Variants in ZMIZ2 observed in about 807,000 individuals in gnomAD.
ZMIZ2 encodes zinc finger MIZ-type containing 2.
Under a neutral mutation model 93.9 loss-of-function variants are expected in ZMIZ2, and 26 were observed. The observed-to-expected ratio is 0.28, with a 90% CI of 0.20 to 0.38. ZMIZ2 has a LOEUF of 0.38. Ranked by LOEUF, ZMIZ2 falls within the 10% of genes least tolerant of loss-of-function variation. The pLI is 1.00. For missense variants in ZMIZ2, 1,023 were observed against 1,235.0 expected (o/e 0.83, Z 2.57); for synonymous variants, 485 against 516.4 (o/e 0.94, Z 0.82).
At chr7:44,755,162 G>T (rs1347825563) in intron 1 of ZMIZ2, among the ~76,000 whole-genome samples, 2 of 152,188 alleles carry the variant, frequency 1.3e-5, no homozygotes, top group African/African-American at 4.8e-5. Flanking sequence ...GGTCCTGCAT[G>T]CGTCCTCCCT....
At position 44,766,671 on chromosome 7, in the gene ZMIZ2, C is replaced by G; in HGVS notation, c.2655+8C>G. 1 of 1,612,390 alleles carries G rather than the reference C, an allele frequency of 6.2e-7. No individual in the cohort carries two copies. The highest frequency in any genetic ancestry group is 8.5e-7 in the Non-Finnish European group (1 of 1,179,506). On this transcript the variant is annotated splice_region_variant and intron_variant, in intron 18 of 18. Coordinates refer to ENST00000309315, the MANE Select transcript of ZMIZ2 (RefSeq NM_031449.4). This position sits in a 1 kb window ranked among gnomAD's most constrained non-coding sequence, Gnocchi z 4.4. ...CCAGAACCAGCTCTGGACGTGAGTA[C>G]CAGGCCCCATGCGGGGGAGTGCGTG...
At position 44,756,474 on chromosome 7, in the gene ZMIZ2, C is replaced by T; in HGVS notation, c.100C>T (p.Gln34Ter). ...TGTGCCTTGGCAACAAAGCGCCACT[C>T]AGCCGGCTGGATCGCTGTCTGTGGT... ...ESVPWQQSAT[Q>*]PAGSLSVVTT... The change falls in exon 3 of 19, where the codon CAG (glutamine) becomes TAG (stop). Residue 34 changes from glutamine to a stop codon, truncating the protein, a stop_gained. Transcript: ENST00000309315. LOFTEE classifies it high-confidence loss of function. 2 of 1,614,082 alleles carry T rather than the reference C, an allele frequency of 1.2e-6. No individual in the cohort carries two copies.
Position 44,765,315 on chromosome 7 carries a change from C to T in ZMIZ2, c.1998-20C>T. ...AGCAGCAGGCCAGGAGGTAACCATT[C>T]CCCACCTGTCCCTGCCCAGCTCTGA... On this transcript the variant is annotated intron_variant, in intron 15 of 18. Coordinates refer to ENST00000309315, the MANE Select transcript of ZMIZ2 (RefSeq NM_031449.4). This position sits in a 1 kb window ranked among gnomAD's most constrained non-coding sequence, Gnocchi z 4.1. 1 of 1,610,208 alleles carries T rather than the reference C, an allele frequency of 6.2e-7. No individual in the cohort carries two copies. The highest frequency in any genetic ancestry group is 8.5e-7 in the Non-Finnish European group (1 of 1,178,104).
rs1790700225 is a variant in ZMIZ2 at position 44,757,396 on chromosome 7, G to A, written c.387G>A (p.Gly129=). 1.2e-6 allele frequency: 2 copies of A among 1,601,582 alleles called. No individual in the cohort carries two copies. Among genetic ancestry groups the A allele is most frequent in the Non-Finnish European group, 1.7e-6 (2 of 1,179,274 alleles). The change falls in exon 5 of 19, where the codon GGG becomes GGA. Residue 129 remains glycine (G), a synonymous_variant. Coordinates refer to ENST00000309315, the MANE Select transcript of ZMIZ2 (RefSeq NM_031449.4). ...GFTTGYAGGP[G]GLGLPSHAAR... Reference sequence around the variant, plus strand: ...CCTGCAGGTATGCAGGCGGCCCGGGGGGCCTGGGCCTCCCCTCACATGCTG... The same window carrying A: ...CCTGCAGGTATGCAGGCGGCCCGGGAGGCCTGGGCCTCCCCTCACATGCTG...
rs1431361129 is a variant in ZMIZ2, at chr7:44,764,399, T to G, written c.1861-20T>G. The stretch of plus-strand genomic sequence containing the variant: ...TGCTACCCACAATGAGAAACTGACT[T>G]TCTTCCCATCTCTCTACAGTGCTTT... On this transcript the variant is annotated intron_variant, in intron 13 of 18. Transcript: ENST00000309315. 3.7e-6 allele frequency: 6 copies of G among 1,613,266 alleles called. No homozygotes were observed. Among genetic ancestry groups the G allele is most frequent in the Admixed American group, 3.3e-5 (2 of 59,866 alleles).
rs1380178047 is a variant in ZMIZ2 at position 44,765,268 on chromosome 7, GA to G, written c.1998-66del. 8.8e-6 allele frequency: 14 copies of G among 1,594,004 alleles called. No homozygotes were observed. The highest frequency in any genetic ancestry group is 1.2e-5 in the Non-Finnish European group (14 of 1,169,306). ...CTGCCTGGAAACAGCCCAGGGCTGG[GA>G]GGGGCAGTGGGTGCCGGGCCAGCAG... On this transcript the variant is annotated intron_variant, in intron 15 of 18. Transcript: ENST00000309315. The surrounding 1 kb of genome is among the most constrained non-coding windows in gnomAD (Gnocchi z 4.1).
Position 44,765,747 on chromosome 7 carries a change from C to T in ZMIZ2, c.2242+168C>T, listed in dbSNP as rs1301767093. The T allele has an allele frequency of 1.8e-6, 2 of 1,139,086 alleles. No individual in the cohort carries two copies. The highest frequency in any genetic ancestry group is 1.6e-5 in the South Asian group (1 of 62,176). The allele number at this position is 1,139,086 out of a possible 1,614,324, so 70.6% of individuals were successfully genotyped here. A position where few individuals can be genotyped will look rare whatever the true frequency, so the allele number is the denominator to read the frequency against. Reference sequence around the variant, plus strand: ...GGGGCACCTCCAGCCCCTCCCATCTCAGGGACGTGGCGGTGAAGGCACAGT... The same window carrying T: ...GGGGCACCTCCAGCCCCTCCCATCTTAGGGACGTGGCGGTGAAGGCACAGT... On this transcript the variant is annotated intron_variant, in intron 16 of 18. Coordinates refer to ENST00000309315, the MANE Select transcript of ZMIZ2 (RefSeq NM_031449.4). This position sits in a 1 kb window ranked among gnomAD's most constrained non-coding sequence, Gnocchi z 4.1.
Position 44,765,009 on chromosome 7 carries a change from A to G in ZMIZ2, c.1997A>G (p.Asn666Ser). Residue 666 changes from asparagine to serine, a missense_variant and splice_region_variant, in exon 15 of 19, where the codon AAC (asparagine) becomes AGC (serine). By Grantham distance (46) the Asn-to-Ser change is conservative. Transcript: ENST00000309315. The surrounding 1 kb of genome is among the most constrained non-coding windows in gnomAD (Gnocchi z 4.1). ...CTGGGCATCCTGATTTACATTCAGAAGTAAGCATCCTCTTCCTGTGATCCC... is the reference window on the plus strand; with the variant it reads ...CTGGGCATCCTGATTTACATTCAGAGGTAAGCATCCTCTTCCTGTGATCCC... ...YMLGILIYIQ[N>S]SDYEEITIDP... is the part of the protein sequence containing the mutation. 1 of 1,614,202 alleles carries G rather than the reference A, an allele frequency of 6.2e-7. No homozygotes were observed. The highest frequency in any genetic ancestry group is 8.5e-7 in the Non-Finnish European group (1 of 1,180,026).
rs1790755663 is a variant in ZMIZ2 at position 44,757,894 on chromosome 7, G to T, written c.599G>T (p.Gly200Val). 6.2e-7 allele frequency: 1 copy of T among 1,602,692 alleles called. No individual in the cohort carries two copies. The highest frequency in any genetic ancestry group is 1.7e-4 in the Middle Eastern group (1 of 5,996). ...AACAGCCAGTTTCTGCAGCATGGAGGTCCCCGGGGGCCTAGTGTCCCCGCT... is the reference window on the plus strand; with the variant it reads ...AACAGCCAGTTTCTGCAGCATGGAGTTCCCCGGGGGCCTAGTGTCCCCGCT... Reference protein sequence around the residue: ...SFNSQFLQHGGPRGPSVPAGM... With the variant: ...SFNSQFLQHGVPRGPSVPAGM... The change falls in exon 6 of 19, where the codon GGT becomes GTT. Residue 200 changes from glycine to valine, a missense_variant. This residue lies in a region of ZMIZ2 where 656 missense variants were observed against 777.1 expected (regional missense o/e 0.84). Transcript: ENST00000309315.
chr7:44,767,383 C>A, intron 18 of ZMIZ2, 133 bp from the exon 19 acceptor site: 1 of 798,118 alleles, frequency 1.3e-6, no homozygotes, highest in Non-Finnish European at 2.1e-6. Context: ...CCGCACCCGG[C>A]CTGTGTGTGA....
At chr7:44,764,863 G>A in intron 14 of ZMIZ2, 78 bp from the exon 15 acceptor site, 1 of 1,494,314 alleles carries the variant, frequency 6.7e-7, no homozygotes, top group Non-Finnish European at 9.2e-7. Flanking sequence ...CAGCTGACAG[G>A]GCTGAGAAAT....
chr7:44,759,908 G>A, intron 7 of ZMIZ2: 1 of 552,778 alleles, frequency 1.8e-6, no homozygotes, highest in Non-Finnish European at 3.2e-6. Context: ...TGCGCCGGGT[G>A]GTGCAGCTTG....
rs1021416309 is a variant in ZMIZ2 at position 44,768,864 on chromosome 7, G to A, written c.*1241G>A. 6.6e-6 allele frequency: 1 copy of A among 152,264 alleles called. No homozygotes were observed. The highest frequency in any genetic ancestry group is 2.4e-5 in the African/African-American group (1 of 41,458). The allele number at this position is 152,264 out of a possible 1,614,324, so 9.4% of individuals were successfully genotyped here. On this transcript the variant is annotated 3_prime_UTR_variant, in exon 19 of 19. Transcript: ENST00000309315. ...TGAGCTCTGGATGTTTCAAGCCAAG[G>A]CTCGGCTATTCCCGCCCCATAGTAA...
intron 5 of ZMIZ2, 91 bp from the exon 6 acceptor site, chr7:44,757,757 G>A: frequency 1.2e-6 from 1 of 806,302 alleles, no homozygotes; most frequent in Non-Finnish European, 1.6e-6. Context: ...AGGGTATGGT[G>A]CCCACATGGG....
At position 44,757,907 on chromosome 7, in the gene ZMIZ2, T is replaced by C. The variant is rs1583626130; in HGVS notation, c.612T>C (p.Pro204=). ...QFLQHGGPRG[P]SVPAGMNPTG... ...TGCAGCATGGAGGTCCCCGGGGGCC[T>C]AGTGTCCCCGCTGGCATGAACCCTA... is the stretch of plus-strand genomic sequence containing the variant. The change falls in exon 6 of 19, where the codon CCT becomes CCC. Residue 204 remains proline (P), a synonymous_variant. Coordinates refer to ENST00000309315, the MANE Select transcript of ZMIZ2 (RefSeq NM_031449.4). The C allele has an allele frequency of 6.2e-7, 1 of 1,608,686 alleles. No individual in the cohort carries two copies. Among genetic ancestry groups the C allele is most frequent in the Non-Finnish European group, 8.5e-7 (1 of 1,177,108 alleles).
Position 44,757,449 on chromosome 7 carries a change from C to A in ZMIZ2, c.440C>A (p.Ala147Glu). ...AGACCCTCCACTGACTTCACGCAAG[C>A]GGCAGCTGCTGCAGCTGTGGCTGCT... ...AARPSTDFTQ[A>E]AAAAAVAAAA... is the part of the protein sequence containing the mutation. Residue 147 changes from alanine (A) to glutamate (E), a missense_variant, in exon 5 of 19, where the codon GCG (alanine) becomes GAG (glutamate). Physicochemically the swap from Ala to Glu is moderately radical, Grantham distance 107. Transcript: ENST00000309315. The A allele has an allele frequency of 6.2e-7, 1 of 1,606,884 alleles. No individual in the cohort carries two copies. Among genetic ancestry groups the A allele is most frequent in the South Asian group, 1.1e-5 (1 of 91,072 alleles).
In ZMIZ2 at chr7:44,760,166, A is replaced by G. The variant is rs762606216; in HGVS notation, c.1009A>G (p.Asn337Asp). ...TCTCCCGCAGCCCACAGAGCAGTTC[A>G]ACGGGCAGGGCGCCAGCTTCAACGG... ...GLHYKPTEQF[N>D]GQGASFNGGS... Residue 337 changes from asparagine to aspartate, a missense_variant, in exon 8 of 19, where the codon AAC becomes GAC. Physicochemically the swap from Asn to Asp is conservative, Grantham distance 23. This residue lies in a region of ZMIZ2 where 656 missense variants were observed against 777.1 expected (regional missense o/e 0.84). Transcript: ENST00000309315. 1.2e-6 allele frequency: 2 copies of G among 1,613,888 alleles called. No homozygotes were observed. Among genetic ancestry groups the G allele is most frequent in the Non-Finnish European group, 1.7e-6 (2 of 1,179,970 alleles).
Position 44,766,276 on chromosome 7 carries a change from T to A in ZMIZ2, c.2355T>A (p.Ser785=). 6.3e-7 allele frequency: 1 copy of A among 1,590,214 alleles called. No individual in the cohort carries two copies. The highest frequency in any genetic ancestry group is 8.6e-7 in the Non-Finnish European group (1 of 1,166,934). ...TPGPPPISYQ[S]DIPSSLLTSE... is the part of the protein sequence containing the mutation. Reference sequence around the variant, plus strand: ...GACCACCCCCCATCTCCTACCAGTCTGACATTCCCAGCAGCCTCCTGACTT... The same window carrying A: ...GACCACCCCCCATCTCCTACCAGTCAGACATTCCCAGCAGCCTCCTGACTT... The change falls in exon 17 of 19, where the codon TCT becomes TCA. Residue 785 remains serine (S), a synonymous_variant. Coordinates refer to ENST00000309315, the MANE Select transcript of ZMIZ2 (RefSeq NM_031449.4). The surrounding 1 kb of genome is among the most constrained non-coding windows in gnomAD (Gnocchi z 4.4).
Position 44,766,154 on chromosome 7 carries a change from C to T in ZMIZ2, c.2243-10C>T. ...CAGCCCTCACCCAGGCCCCGACTCT[C>T]CTCTCACAGGTTCCAGCTTCCTGGG... On this transcript the variant is annotated splice_polypyrimidine_tract_variant and intron_variant, in intron 16 of 18. Coordinates refer to ENST00000309315, the MANE Select transcript of ZMIZ2 (RefSeq NM_031449.4). The surrounding 1 kb of genome is among the most constrained non-coding windows in gnomAD (Gnocchi z 4.4). 7 of 1,609,206 alleles carry T rather than the reference C, an allele frequency of 4.3e-6. No homozygotes were observed. Among genetic ancestry groups the T allele is most frequent in the Non-Finnish European group, 5.9e-6 (7 of 1,178,352 alleles).
Sources: allele counts gnomAD v4.1 joint callset (sites outside exome capture counted in the v4.1 genomes callset), GRCh38; gene constraint gnomAD v4.1.1; regional missense constraint gnomAD v4.1.1; non-coding constraint Gnocchi (gnomAD v3.1); transcripts MANE v1.5; gene names NCBI Gene and HGNC (gene_info 2026-07-23, HGNC 2026-07-21).